Variants in EXOSC7 observed in about 807,000 individuals in gnomAD.
The protein encoded by EXOSC7 is exosome component 7, also known as exosome complex component RRP42.
A neutral mutation model predicts 34.3 loss-of-function variants in EXOSC7; 25 were observed. The observed-to-expected ratio is 0.73, with a 90% CI of 0.53 to 1.02. The LOEUF is 1.02. Ranked by LOEUF, EXOSC7 falls within the 50% of genes least tolerant of loss-of-function variation. The probability of loss-of-function intolerance (pLI) is 0.00; values close to 1 mark genes in which losing one functional copy is unlikely to be tolerated. For missense variants in EXOSC7, 370 were observed against 368.5 expected, an observed-to-expected ratio of 1.00 and a Z score of -0.03; for synonymous variants, 130 against 143.0, an observed-to-expected ratio of 0.91 and a Z score of 0.65.
chr3:44,996,104 A>G (rs1706714656), intron 3 of EXOSC7, among the ~76,000 whole-genome samples: 1 of 152,148 alleles, frequency 6.6e-6, no homozygotes, highest in African/African-American at 2.4e-5. Flanking sequence ...CTTAGTCTCT[A>G]GGTCTCTGGT....
intron 7 of EXOSC7, among the ~76,000 whole-genome samples, chr3:45,010,512 G>C (rs1707176110): frequency 6.6e-6 from 1 of 152,162 alleles, no homozygotes; most frequent in Admixed American, 6.5e-5. Context: ...GCCTCCAAAA[G>C]TGCTGGGATT....
At position 44,976,267 on chromosome 3, in the gene EXOSC7, A is replaced by C; in HGVS notation, c.-11A>C. The C allele has an allele frequency of 1.9e-6, 3 of 1,550,528 alleles. No individual in the cohort carries two copies. The highest frequency in any genetic ancestry group is 2.6e-6 in the Non-Finnish European group (3 of 1,155,378). ...GCAGATGACGTGCGGCTCGTGGGGC[A>C]GCTCGGCAGCATGGCGTCCGTGACG... On this transcript the variant is annotated 5_prime_UTR_variant, in exon 1 of 8. Coordinates refer to ENST00000265564, the MANE Select transcript of EXOSC7 (RefSeq NM_015004.4).
At chr3:44,997,394 C>A in intron 4 of EXOSC7, 142 bp downstream of exon 4, 1 of 630,440 alleles carries the variant, frequency 1.6e-6, no homozygotes, top group Non-Finnish European at 2.6e-6. Flanking sequence ...AGATGGTCTC[C>A]TATAATAATT....
At chr3:44,998,089 G>A (rs1309125725) in intron 4 of EXOSC7, among the ~76,000 whole-genome samples, 1 of 146,906 alleles carries the variant, frequency 6.8e-6, no homozygotes, top group Admixed American at 6.9e-5. Context: ...AGGCTGGAGT[G>A]CAATGGCGTG....
intron 1 of EXOSC7, among the ~76,000 whole-genome samples, chr3:44,987,721 C>G (rs1706461585): frequency 6.6e-6 from 1 of 152,234 alleles, no homozygotes. Context: ...ATACTGTGTG[C>G]TATTAGTAAA....
intron 7 of EXOSC7, 82 bp from the exon 8 acceptor site, chr3:45,011,153 C>A: frequency 1.4e-6 from 1 of 709,810 alleles, no homozygotes; most frequent in South Asian, 2.4e-5. Flanking sequence ...GAAAGACTAG[C>A]TGGCAGAAAG....
intron 3 of EXOSC7, among the ~76,000 whole-genome samples, chr3:44,995,139 C>A (rs373057146): frequency 6.6e-6 from 1 of 152,082 alleles, no homozygotes; most frequent in Non-Finnish European, 1.5e-5. Flanking sequence ...TGTGCCACCA[C>A]GCCCAGATAA....
chr3:44,990,979 T>C (rs1706555118), intron 3 of EXOSC7, among the ~76,000 whole-genome samples: 1 of 152,160 alleles, frequency 6.6e-6, no homozygotes, highest in South Asian at 2.1e-4. Context: ...TCTTCCAGTC[T>C]GAACTTCCAT....
At chr3:45,005,251 C>G in intron 5 of EXOSC7, 40 bp from the exon 6 acceptor site, 2 of 1,609,870 alleles carry the variant, frequency 1.2e-6, no homozygotes, top group Non-Finnish European at 1.7e-6. Context: ...GTTATTTTTC[C>G]TCCTCCAAGT....
chr3:44,997,371 A>T (rs1190825784), intron 4 of EXOSC7, 119 bp downstream of exon 4: 2 of 850,614 alleles, frequency 2.4e-6, no homozygotes, highest in Non-Finnish European at 3.5e-6. Context: ...ATAGGGTGGG[A>T]TTAGTTGGGA....
At chr3:45,003,779 A>G (rs1706951786) in intron 5 of EXOSC7, among the ~76,000 whole-genome samples, 1 of 152,232 alleles carries the variant, frequency 6.6e-6, no homozygotes, top group Non-Finnish European at 1.5e-5. Context: ...CTCACTGATG[A>G]TAACCAGCAT....
chr3:44,985,244 C>T (rs1263291731), intron 1 of EXOSC7, among the ~76,000 whole-genome samples: 2 of 152,198 alleles, frequency 1.3e-5, no homozygotes, highest in Non-Finnish European at 2.9e-5. Context: ...TTCTGGAGTT[C>T]TATCCTAAAG....
At chr3:44,982,732 C>CT (rs1229341180) in intron 1 of EXOSC7, among the ~76,000 whole-genome samples, 4 of 152,340 alleles carry the variant, frequency 2.6e-5, no homozygotes, top group African/African-American at 9.6e-5. Flanking sequence ...CCTCAGGACT[C>CT]TTGATTTTTA....
At chr3:45,011,768 TGC>T (rs112941433), downstream of EXOSC7, among the ~76,000 whole-genome samples, 162 of 152,378 alleles carry the variant, frequency 1.1e-3, no homozygotes, top group African/African-American at 3.8e-3. Flanking sequence ...GGCACTCTGC[TGC>T]AGGTACACAC....
rs35502907 is a variant in EXOSC7, at chr3:45,007,541, G to C, written c.737G>C (p.Ser246Thr). Reference sequence around the variant, plus strand: ...TGCATGAGGAAAGTGGGGAAGGGCAGCCTGGACCCAGAGAGCATCTTCGAG... The same window carrying C: ...TGCATGAGGAAAGTGGGGAAGGGCACCCTGGACCCAGAGAGCATCTTCGAG... ...VTCMRKVGKG[S>T]LDPESIFEMM... The change falls in exon 7 of 8, where the codon AGC (serine) becomes ACC (threonine). Residue 246 changes from serine (S) to threonine (T), a missense_variant. By Grantham distance (58) the Ser-to-Thr change is moderately conservative. This residue lies in a region of EXOSC7 where 255 missense variants were observed against 246.4 expected (regional missense o/e 1.03). Transcript: ENST00000265564. 8 of 1,612,952 alleles carry C rather than the reference G, an allele frequency of 5.0e-6. No individual in the cohort carries two copies. Among genetic ancestry groups the C allele is most frequent in the African/African-American group, 1.3e-5 (1 of 74,932 alleles).
intron 1 of EXOSC7, among the ~76,000 whole-genome samples, chr3:44,985,511 T>C (rs1706382685): frequency 6.6e-6 from 1 of 151,924 alleles, no homozygotes; most frequent in Non-Finnish European, 1.5e-5. Flanking sequence ...GCTGCAGACC[T>C]TCATGGTGAG....
At chr3:44,989,874 G>A (rs143208685) in intron 3 of EXOSC7, among the ~76,000 whole-genome samples, 14 of 152,250 alleles carry the variant, frequency 9.2e-5, no homozygotes, top group African/African-American at 2.4e-4. Flanking sequence ...TTCCCTGTCC[G>A]ATAAAGGAGG....
At chr3:44,992,633 T>C (rs1706604275) in intron 3 of EXOSC7, among the ~76,000 whole-genome samples, 1 of 152,180 alleles carries the variant, frequency 6.6e-6, no homozygotes, top group Non-Finnish European at 1.5e-5. Context: ...CCTTTTCATG[T>C]CTTTGGTTTG....
chr3:44,998,815 T>A (rs552994995), intron 4 of EXOSC7, among the ~76,000 whole-genome samples: 1 of 152,222 alleles, frequency 6.6e-6, no homozygotes, highest in Non-Finnish European at 1.5e-5. Context: ...TCCTACTAAG[T>A]TGGCAATTTT....
Sources: allele counts gnomAD v4.1 joint callset (sites outside exome capture counted in the v4.1 genomes callset), GRCh38; gene constraint gnomAD v4.1.1; regional missense constraint gnomAD v4.1.1; transcripts MANE v1.5; gene names NCBI Gene and HGNC (gene_info 2026-07-23, HGNC 2026-07-21).